FABP12: variants seen among roughly 807,000 people sequenced by gnomAD.
The protein encoded by FABP12 is fatty acid binding protein 12.
A neutral mutation model predicts 13.7 loss-of-function variants in FABP12; 19 were observed. That is an observed-to-expected ratio of 1.39 (90% CI 0.97 to 2.04). The LOEUF (loss-of-function observed/expected upper bound fraction) is 2.04, where lower values mean the gene tolerates loss of function less well. Ranked by LOEUF, FABP12 falls within the 30% of genes most tolerant of loss-of-function variation. The pLI is 0.00. For missense variants in FABP12, 182 were observed against 164.2 expected, an observed-to-expected ratio of 1.11 and a Z score of -0.59; for synonymous variants, 61 against 57.0, an observed-to-expected ratio of 1.07 and a Z score of -0.32.
chr8:81,569,584 A>G (rs1311373203), intron 1 of FABP12, among the ~76,000 whole-genome samples: 1 of 152,226 alleles, frequency 6.6e-6, no homozygotes, highest in Non-Finnish European at 1.5e-5. Context: ...TGTATCTCTC[A>G]TCAAAACAAA....
chr8:81,588,467 T>G (rs1448938099), intron 1 of FABP12, among the ~76,000 whole-genome samples: 2 of 152,260 alleles, frequency 1.3e-5, no homozygotes, highest in African/African-American at 4.8e-5. Context: ...ACTGTTGGTA[T>G]GTATAAATGC....
At position 81,573,414 on chromosome 8, in the gene FABP12, C is replaced by G. The variant is rs368646773; in HGVS notation, c.-185+16639G>C. Among the ~76,000 whole-genome samples the G allele has an allele frequency of 5.1e-4, 77 of 152,194 alleles. No individual in the cohort carries two copies. In the South Asian group the frequency reaches 9.7e-3, roughly 19 times the overall value. The stretch of plus-strand genomic sequence containing the variant: ...TCCAGATTTGTTATTTTTGCTTAGT[C>G]TTGCTTTTGGCTATGCAGGCTCTTT... On this transcript the variant is annotated intron_variant, in intron 1 of 5. Coordinates refer to the FABP12 transcript ENST00000692030.
At chr8:81,572,566 C>T (rs997640345) in intron 1 of FABP12, among the ~76,000 whole-genome samples, 14 of 152,166 alleles carry the variant, frequency 9.2e-5, no homozygotes, top group African/African-American at 2.9e-4. Flanking sequence ...GTTTACATTC[C>T]CACCAGCAGT....
At chr8:81,564,209 A>G (rs1809776590) in intron 1 of FABP12, among the ~76,000 whole-genome samples, 2 of 152,204 alleles carry the variant, frequency 1.3e-5, no homozygotes, top group Admixed American at 6.5e-5. Context: ...GAAGAGAAAT[A>G]AAGACTTTGC....
chr8:81,525,529 A>T (rs11997785), intron 4 of FABP12, among the ~76,000 whole-genome samples: 9,386 of 149,798 alleles, frequency 0.063, 521 homozygotes, highest in African/African-American at 0.14. Flanking sequence ...AAAAAAAAAA[A>T]ATAGATAGAT....
At chr8:81,587,649 A>C (rs1251706666) in intron 1 of FABP12, among the ~76,000 whole-genome samples, 2 of 152,036 alleles carry the variant, frequency 1.3e-5, no homozygotes, top group African/African-American at 4.8e-5. Context: ...GACATTATTG[A>C]TGTATAGAAA....
At chr8:81,581,799 A>T (rs1191630606) in intron 1 of FABP12, among the ~76,000 whole-genome samples, 1 of 152,204 alleles carries the variant, frequency 6.6e-6, no homozygotes, top group Non-Finnish European at 1.5e-5. Flanking sequence ...AATCACAATT[A>T]GACTGACTCT....
At chr8:81,528,080 T>C (rs1808956117) in intron 3 of FABP12, among the ~76,000 whole-genome samples, 1 of 152,048 alleles carries the variant, frequency 6.6e-6, no homozygotes, top group South Asian at 2.1e-4. Flanking sequence ...GTTTTTTTTG[T>C]TGTTGTTGTT....
At chr8:81,529,665 T>C in intron 2 of FABP12, 55 bp from the exon 3 acceptor site, 1 of 1,441,946 alleles carries the variant, frequency 6.9e-7, no homozygotes. Context: ...TACAAATACA[T>C]TACATTACAA....
chr8:81,586,860 C>T (rs111833750), intron 1 of FABP12, among the ~76,000 whole-genome samples: 4,367 of 152,238 alleles, frequency 0.029, 204 homozygotes, highest in African/African-American at 0.1. Flanking sequence ...GTCATGAAGT[C>T]TTTGGAAGGG....
chr8:81,561,724 C>T (rs1452902085), intron 1 of FABP12, among the ~76,000 whole-genome samples: 1 of 152,132 alleles, frequency 6.6e-6, no homozygotes, highest in Admixed American at 6.5e-5. Context: ...AGAACTCAGC[C>T]GGTGCCCACA....
chr8:81,531,120 T>C, intron 2 of FABP12, 123 bp downstream of exon 2: 1 of 693,748 alleles, frequency 1.4e-6, no homozygotes, highest in Non-Finnish European at 2.5e-6. Flanking sequence ...TCAATCAATA[T>C]TTATTTTTTC....
upstream of FABP12, among the ~76,000 whole-genome samples, chr8:81,536,700 G>T (rs1343202897): frequency 6.6e-6 from 1 of 152,186 alleles, no homozygotes; most frequent in Non-Finnish European, 1.5e-5. Context: ...ATGTTTCCCT[G>T]TGGGTATCTA....
At chr8:81,580,280 T>A (rs1009554238) in intron 1 of FABP12, among the ~76,000 whole-genome samples, 5 of 152,258 alleles carry the variant, frequency 3.3e-5, no homozygotes, top group Non-Finnish European at 7.3e-5. Context: ...TTAAAATTTT[T>A]AAATCTTATT....
At chr8:81,558,096 A>C (rs1267357032) in intron 1 of FABP12, among the ~76,000 whole-genome samples, 1 of 152,188 alleles carries the variant, frequency 6.6e-6, no homozygotes, top group Non-Finnish European at 1.5e-5. Flanking sequence ...AGATTGCATG[A>C]GCATTATTAT....
intron 1 of FABP12, among the ~76,000 whole-genome samples, chr8:81,539,817 T>C (rs1336576955): frequency 6.6e-6 from 1 of 152,186 alleles, no homozygotes; most frequent in Non-Finnish European, 1.5e-5. Flanking sequence ...CCTGCTGGGT[T>C]CCCAGGCTCT....
intron 1 of FABP12, among the ~76,000 whole-genome samples, chr8:81,557,289 A>C (rs914090044): frequency 3.4e-4 from 52 of 152,348 alleles, no homozygotes; most frequent in African/African-American, 1.2e-3. Flanking sequence ...CTTATAAAAC[A>C]CAATTATGCT....
At chr8:81,561,822 G>A (rs1214717777) in intron 1 of FABP12, among the ~76,000 whole-genome samples, 2 of 152,112 alleles carry the variant, frequency 1.3e-5, no homozygotes, top group Non-Finnish European at 2.9e-5. Flanking sequence ...CATCACTGAG[G>A]GGCAAAGTGC....
intron 1 of FABP12, among the ~76,000 whole-genome samples, chr8:81,579,346 C>A (rs183950182): frequency 6.6e-6 from 1 of 152,112 alleles, no homozygotes; most frequent in East Asian, 1.9e-4. Context: ...GAGGAGATAT[C>A]CTCTTTAGAT....
Sources: gnomAD v4.1 joint callset for allele counts (sites outside exome capture counted in the v4.1 genomes callset) on GRCh38, gnomAD v4.1.1 for gene constraint, MANE v1.5 for transcripts, NCBI Gene and HGNC (gene_info 2026-07-23, HGNC 2026-07-21) for gene names.